The following TSHZ3 variants were observed in gnomAD, a reference collection of about 807,000 sequenced individuals.
TSHZ3 encodes teashirt homolog 3.
In TSHZ3, 10 loss-of-function variants were observed where a neutral mutation model predicts 64.5. That is an observed-to-expected ratio of 0.16 (90% confidence interval 0.10 to 0.26). The LOEUF is 0.26. Ranked by LOEUF, TSHZ3 falls within the 10% of genes least tolerant of loss-of-function variation. The probability of loss-of-function intolerance (pLI) is 1.00; values close to 1 mark genes in which losing one functional copy is unlikely to be tolerated. For missense variants in TSHZ3, 1,242 were observed against 1,421.7 expected, an observed-to-expected ratio of 0.87 and a Z score of 2.03; for synonymous variants, 608 against 593.1, an observed-to-expected ratio of 1.03 and a Z score of -0.36.
At chr19:31,254,965 G>A (rs1448135662) in intron 1 of TSHZ3, among the ~76,000 whole-genome samples, 2 of 152,136 alleles carry the variant, frequency 1.3e-5, no homozygotes, top group South Asian at 2.1e-4. Context: ...GCCTCAGCAG[G>A]AGTGGGGAAG....
At chr19:31,288,721 T>C (rs953643453) in intron 1 of TSHZ3, among the ~76,000 whole-genome samples, 1 of 152,060 alleles carries the variant, frequency 6.6e-6, no homozygotes, top group Non-Finnish European at 1.5e-5. Context: ...ACAATCTTTT[T>C]TTAGAGTTGG....
intron 1 of TSHZ3, among the ~76,000 whole-genome samples, chr19:31,303,629 C>T (rs1468687526): frequency 6.6e-6 from 1 of 152,174 alleles, no homozygotes; most frequent in Non-Finnish European, 1.5e-5. Context: ...GACCCCGCCC[C>T]ATCTTCCTCT....
intron 5 of TSHZ3, among the ~76,000 whole-genome samples, chr19:31,185,640 G>T (rs1039094957): frequency 1.3e-5 from 2 of 152,096 alleles, no homozygotes; most frequent in Non-Finnish European, 2.9e-5. Context: ...CCCTAATCTT[G>T]TCTTCCCCAG....
upstream of TSHZ3, among the ~76,000 whole-genome samples, chr19:31,349,919 C>G (rs1368358515): frequency 6.8e-6 from 1 of 146,986 alleles, no homozygotes; most frequent in Admixed American, 6.7e-5. Flanking sequence ...GCCCCCGGCC[C>G]CAGGCCCGCG....
At chr19:31,175,523 G>A (rs964824726) in intron 5 of TSHZ3, among the ~76,000 whole-genome samples, 10 of 152,174 alleles carry the variant, frequency 6.6e-5, no homozygotes, top group Non-Finnish European at 1.5e-4. Context: ...CTGTGGAGAG[G>A]TTCTGGTAGA....
At chr19:31,236,721 A>G (rs1975620892) in intron 3 of TSHZ3, among the ~76,000 whole-genome samples, 1 of 152,248 alleles carries the variant, frequency 6.6e-6, no homozygotes, top group Non-Finnish European at 1.5e-5. Context: ...AACTCCTGGA[A>G]GAAAACATAG....
At chr19:31,188,661 C>A (rs961482663) in intron 5 of TSHZ3, among the ~76,000 whole-genome samples, 3 of 151,758 alleles carry the variant, frequency 2.0e-5, no homozygotes, top group Non-Finnish European at 2.9e-5. Flanking sequence ...CATTAATAAT[C>A]CATTTAGTCA....
chr19:31,200,640 C>T (rs1253771713), intron 5 of TSHZ3, among the ~76,000 whole-genome samples: 1 of 152,140 alleles, frequency 6.6e-6, no homozygotes, highest in East Asian at 1.9e-4. Context: ...CTGCACAATA[C>T]TACGATGTTG....
intron 3 of TSHZ3, among the ~76,000 whole-genome samples, chr19:31,237,464 C>T (rs891500560): frequency 6.6e-6 from 1 of 151,962 alleles, no homozygotes; most frequent in African/African-American, 2.4e-5. Context: ...CCCACTTGCA[C>T]CTCTAATACT....
At chr19:31,349,055 G>A in intron 1 of TSHZ3, 125 bp downstream of exon 1, 2 of 1,254,262 alleles carry the variant, frequency 1.6e-6, no homozygotes, top group Non-Finnish European at 2.1e-6. Flanking sequence ...ACAGGAGAGC[G>A]GCGCCCGGAG....
At chr19:31,181,841 C>T (rs982155960) in intron 5 of TSHZ3, among the ~76,000 whole-genome samples, 2 of 152,146 alleles carry the variant, frequency 1.3e-5, no homozygotes, top group African/African-American at 4.8e-5. Context: ...ATTGCCACCT[C>T]GTTGTGGATG....
intron 1 of TSHZ3, among the ~76,000 whole-genome samples, chr19:31,288,166 A>G (rs1976498539): frequency 1.3e-5 from 2 of 151,956 alleles, no homozygotes; most frequent in Non-Finnish European, 2.9e-5. Flanking sequence ...TAACTAGCCG[A>G]AGGGGATGGA....
intron 5 of TSHZ3, among the ~76,000 whole-genome samples, chr19:31,183,136 G>A (rs901770746): frequency 6.7e-6 from 1 of 149,766 alleles, no homozygotes; most frequent in Non-Finnish European, 1.5e-5. Context: ...GCAGATTTAG[G>A]ACCTGACAGC....
intron 1 of TSHZ3, among the ~76,000 whole-genome samples, chr19:31,261,463 A>C (rs1975982785): frequency 6.6e-6 from 1 of 152,166 alleles, no homozygotes; most frequent in African/African-American, 2.4e-5. Context: ...CAAATTAGTC[A>C]TGTTGTATTA....
exon 5 of TSHZ3, chr19:31,204,988 T>A (rs112907782): frequency 6.6e-6 from 1 of 152,312 alleles, no homozygotes; most frequent in African/African-American, 2.4e-5. Flanking sequence ...GATTTTGTAA[T>A]GATGCAGCAG....
chr19:31,208,672 C>T (rs147334387), intron 4 of TSHZ3, among the ~76,000 whole-genome samples: 41 of 152,294 alleles, frequency 2.7e-4, no homozygotes, highest in Non-Finnish European at 4.6e-4. Context: ...TAGCATGGAA[C>T]CTATCACAGC....
chr19:31,323,839 C>A (rs1916848556), intron 1 of TSHZ3, among the ~76,000 whole-genome samples: 1 of 149,568 alleles, frequency 6.7e-6, no homozygotes, highest in African/African-American at 2.5e-5. Context: ...GCAGCTGCTG[C>A]TCTTGTACTT....
chr19:31,306,016 T>C (rs1414689880), intron 1 of TSHZ3, among the ~76,000 whole-genome samples: 6 of 152,210 alleles, frequency 3.9e-5, no homozygotes, highest in Non-Finnish European at 8.8e-5. Flanking sequence ...TAAACTTTCA[T>C]TTACATAGAA....
At chr19:31,342,651 G>C (rs1196848030) in intron 1 of TSHZ3, among the ~76,000 whole-genome samples, 1 of 152,218 alleles carries the variant, frequency 6.6e-6, no homozygotes, top group Admixed American at 6.5e-5. Context: ...CATAGGACTA[G>C]ATTTAATGAT....
Sources: gnomAD v4.1 joint callset for allele counts (sites outside exome capture counted in the v4.1 genomes callset) on GRCh38, gnomAD v4.1.1 for gene constraint, MANE v1.5 for transcripts, NCBI Gene and HGNC (gene_info 2026-07-23, HGNC 2026-07-21) for gene names.